The following MARK3 variants were observed in gnomAD, a reference collection of about 807,000 sequenced individuals.
MARK3 encodes MAP/microtubule affinity-regulating kinase 3.
MARK3 carries 46 observed loss-of-function variants against 90.1 expected under a neutral mutation model. That is an observed-to-expected ratio of 0.51 (90% CI 0.40 to 0.65). MARK3 has a LOEUF of 0.65. Ranked by LOEUF, MARK3 falls within the 30% of genes least tolerant of loss-of-function variation. The pLI, the probability that MARK3 is intolerant of heterozygous loss-of-function variation, is 0.00. For synonymous variants in MARK3, 321 were observed against 332.6 expected, an observed-to-expected ratio of 0.97 and a Z score of 0.38; for missense variants, 818 against 947.2, an observed-to-expected ratio of 0.86 and a Z score of 1.79.
intron 2 of MARK3, among the ~76,000 whole-genome samples, 192 bp downstream of exon 2, chr14:103,405,459 T>C (rs575454955): frequency 6.6e-6 from 1 of 152,240 alleles, no homozygotes; most frequent in Non-Finnish European, 1.5e-5. Flanking sequence ...CACACCATTC[T>C]CCTGCCTCAG....
intron 6 of MARK3, among the ~76,000 whole-genome samples, chr14:103,461,705 C>A (rs1237950400): frequency 6.6e-6 from 1 of 152,106 alleles, no homozygotes; most frequent in African/African-American, 2.4e-5. Flanking sequence ...AACTCTCTAA[C>A]CGCTGGTTTG....
chr14:103,483,043 A>G (rs1323097847), intron 14 of MARK3, among the ~76,000 whole-genome samples: 3 of 152,160 alleles, frequency 2.0e-5, no homozygotes, highest in African/African-American at 4.8e-5. Context: ...CTGGAAAATT[A>G]TTGGGTTTAA....
intron 4 of MARK3, among the ~76,000 whole-genome samples, chr14:103,451,482 A>G (rs571820492): frequency 6.6e-6 from 1 of 152,212 alleles, no homozygotes; most frequent in Non-Finnish European, 1.5e-5. Context: ...AAGGTCTCAA[A>G]TAGAATTACA....
intron 8 of MARK3, 79 bp from the exon 9 acceptor site, chr14:103,465,892 CA>C: frequency 1.9e-6 from 3 of 1,561,962 alleles, no homozygotes; most frequent in Non-Finnish European, 2.6e-6. Context: ...CGGGGGGTTT[CA>C]GGGGGTTTTT....
intron 12 of MARK3, among the ~76,000 whole-genome samples, chr14:103,468,657 G>C (rs1445114904): frequency 6.6e-6 from 1 of 151,964 alleles, no homozygotes; most frequent in African/African-American, 2.4e-5. Context: ...TGCAGGTGCT[G>C]CCATGATTAC....
At chr14:103,429,572 A>G (rs8015723) in intron 3 of MARK3, among the ~76,000 whole-genome samples, 47,175 of 151,958 alleles carry the variant, frequency 0.31, 7,999 homozygotes, top group East Asian at 0.59. Context: ...CTTTCTCTGC[A>G]CTAAAAATGT....
chr14:103,476,254 C>T (rs1426213749), intron 13 of MARK3, among the ~76,000 whole-genome samples: 6 of 152,162 alleles, frequency 3.9e-5, no homozygotes, highest in Non-Finnish European at 8.8e-5. Context: ...AGATGGAAGC[C>T]TACGTGCACA....
chr14:103,404,400 TAGC>T (rs1196550763), intron 1 of MARK3, among the ~76,000 whole-genome samples: 7 of 152,216 alleles, frequency 4.6e-5, no homozygotes, highest in African/African-American at 1.4e-4. Flanking sequence ...GGAGCAGTAG[TAGC>T]AGGATGCCTG....
chr14:103,465,006 C>T (rs377331156), intron 7 of MARK3, among the ~76,000 whole-genome samples: 24 of 152,062 alleles, frequency 1.6e-4, no homozygotes, highest in African/African-American at 4.6e-4. Flanking sequence ...ATTGCTCTGT[C>T]GCCCAGGCTG....
chr14:103,481,757 C>CTT (rs71126030), intron 14 of MARK3, among the ~76,000 whole-genome samples: 611 of 49,774 alleles, frequency 0.012, 132 homozygotes, highest in African/African-American at 0.021. Context: ...ATAGGTATTT[C>CTT]TTTTTTTTTT....
Position 103,466,100 on chromosome 14 carries a change from G to T in MARK3, c.897+9G>T, listed in dbSNP as rs1161874897. 2 of 1,611,786 alleles carry T rather than the reference G, an allele frequency of 1.2e-6. No homozygotes were observed. Among genetic ancestry groups the T allele is most frequent in the Middle Eastern group, 1.7e-4 (1 of 6,050 alleles). On this transcript the variant is annotated intron_variant, in intron 9 of 17. Coordinates refer to ENST00000429436, the MANE Select transcript of MARK3 (RefSeq NM_001128918.3). Reference sequence around the variant, plus strand: ...AACGCGGCACTCTAGAGGTAATCATGTAGGTGGAAACAAGCAGTAACTTTG... The same window carrying T: ...AACGCGGCACTCTAGAGGTAATCATTTAGGTGGAAACAAGCAGTAACTTTG...
chr14:103,443,763 A>AT (rs1229739435), intron 3 of MARK3, among the ~76,000 whole-genome samples: 4 of 151,530 alleles, frequency 2.6e-5, no homozygotes, highest in East Asian at 3.9e-4. Context: ...TAAGAAGCAA[A>AT]TTTTTTTTTC....
At chr14:103,479,628 C>CTTTTTTTTTTTTTTTTTTTTTTT (rs34768749) in intron 13 of MARK3, among the ~76,000 whole-genome samples, 1 of 78,238 alleles carries the variant, frequency 1.3e-5, no homozygotes, top group Non-Finnish European at 2.2e-5. Context: ...ATACGTATAG[C>CTTTTTTTTTTTTTTTTTTTTTTT]TTTTTTTTTT....
intron 3 of MARK3, among the ~76,000 whole-genome samples, chr14:103,437,721 A>G (rs1183679738): frequency 6.6e-6 from 1 of 152,190 alleles, no homozygotes; most frequent in Non-Finnish European, 1.5e-5. Context: ...CTTGGGTGCA[A>G]ATTAGGCCTT....
intron 3 of MARK3, among the ~76,000 whole-genome samples, chr14:103,439,262 C>T (rs374775476): frequency 3.9e-5 from 6 of 152,320 alleles, no homozygotes; most frequent in African/African-American, 1.4e-4. Flanking sequence ...CAACCTGATT[C>T]CCCTTCTTCA....
At chr14:103,462,956 A>G (rs1178659531) in intron 7 of MARK3, among the ~76,000 whole-genome samples, 2 of 152,110 alleles carry the variant, frequency 1.3e-5, no homozygotes, top group Non-Finnish European at 2.9e-5. Context: ...ACCTAGCAGC[A>G]CCTACCCCCA....
intron 1 of MARK3, among the ~76,000 whole-genome samples, chr14:103,392,846 T>G (rs1343706090): frequency 1.3e-5 from 2 of 151,926 alleles, no homozygotes; most frequent in Non-Finnish European, 2.9e-5. Context: ...AGTCTCACAC[T>G]GTTACCTGGG....
chr14:103,460,095 TTTTTTTTTTG>T (rs1254604586), intron 6 of MARK3, among the ~76,000 whole-genome samples: 5 of 125,864 alleles, frequency 4.0e-5, no homozygotes, highest in Non-Finnish European at 8.4e-5. Context: ...TTTTTTTTTT[TTTTTTTTTTG>T]AGACAAATCT....
intron 5 of MARK3, among the ~76,000 whole-genome samples, chr14:103,453,783 C>T (rs1420628061): frequency 6.6e-6 from 1 of 152,154 alleles, no homozygotes; most frequent in African/African-American, 2.4e-5. Context: ...CTTTCTCTTA[C>T]CAGATCTCCT....
Sources: allele counts gnomAD v4.1 joint callset (sites outside exome capture counted in the v4.1 genomes callset), GRCh38; gene constraint gnomAD v4.1.1; transcripts MANE v1.5; gene names NCBI Gene and HGNC (gene_info 2026-07-23, HGNC 2026-07-21).